DENND1A: variants seen among roughly 807,000 people sequenced by gnomAD.
The protein encoded by DENND1A is DENN domain containing 1A.
A neutral mutation model predicts 113.7 loss-of-function variants in DENND1A; 51 were observed. The ratio of observed to expected loss-of-function variants is 0.45; its 90% CI spans 0.36 to 0.57. The LOEUF is 0.57. DENND1A is among the 20% of genes least tolerant of loss of function. The pLI, the probability that DENND1A is intolerant of heterozygous loss-of-function variation, is 0.00. For synonymous variants in DENND1A, 565 were observed against 570.8 expected, an observed-to-expected ratio of 0.99 and a Z score of 0.14; for missense variants, 1,258 against 1,395.9, an observed-to-expected ratio of 0.90 and a Z score of 1.57.
At chr9:123,407,876 C>G (rs2044000505) in intron 20 of DENND1A, among the ~76,000 whole-genome samples, 2 of 152,330 alleles carry the variant, frequency 1.3e-5, no homozygotes, top group East Asian at 3.9e-4. Context: ...ATAATAAATA[C>G]AGAGCTTATA....
At chr9:123,856,758 C>T (rs987856159) in intron 2 of DENND1A, among the ~76,000 whole-genome samples, 7 of 151,324 alleles carry the variant, frequency 4.6e-5, no homozygotes, top group Non-Finnish European at 8.8e-5. Context: ...AGAGGCAGAG[C>T]GACACAGGGT....
chr9:123,563,330 G>T (rs2057870855), intron 12 of DENND1A, among the ~76,000 whole-genome samples: 1 of 152,108 alleles, frequency 6.6e-6, no homozygotes, highest in Non-Finnish European at 1.5e-5. Context: ...AACCTCTCAG[G>T]TCCCCTGGCT....
intron 2 of DENND1A, among the ~76,000 whole-genome samples, chr9:123,861,812 T>A (rs1318738494): frequency 6.6e-6 from 1 of 152,196 alleles, no homozygotes; most frequent in Non-Finnish European, 1.5e-5. Context: ...CTTTTTCTAC[T>A]CTGAGTTTCC....
chr9:123,609,888 A>G (rs1474565453), intron 10 of DENND1A, among the ~76,000 whole-genome samples: 1 of 152,240 alleles, frequency 6.6e-6, no homozygotes, highest in Non-Finnish European at 1.5e-5. Flanking sequence ...CCATGATTAC[A>G]ACAGAAAAAG....
chr9:123,819,939 A>G (rs968486011), intron 2 of DENND1A, among the ~76,000 whole-genome samples: 1 of 152,252 alleles, frequency 6.6e-6, no homozygotes, highest in Admixed American at 6.5e-5. Context: ...ATTTTAAGAA[A>G]TAAATGCATA....
chr9:123,400,823 C>A (rs143385222), intron 21 of DENND1A: 2 of 152,142 alleles, frequency 1.3e-5, no homozygotes, highest in African/African-American at 2.4e-5. Context: ...TCAGGTGATC[C>A]GCTCGCCTTG....
chr9:123,394,277 G>A (rs1416848087), intron 21 of DENND1A, among the ~76,000 whole-genome samples: 1 of 152,186 alleles, frequency 6.6e-6, no homozygotes, highest in East Asian at 1.9e-4. Flanking sequence ...GGCCAGAGCT[G>A]GACTTTTAAT....
At chr9:123,531,516 C>T (rs1220049543) in intron 13 of DENND1A, among the ~76,000 whole-genome samples, 2 of 149,286 alleles carry the variant, frequency 1.3e-5, no homozygotes, top group Admixed American at 1.3e-4. Flanking sequence ...TAACAGTTTA[C>T]CACATTGGCT....
At chr9:123,703,125 G>A (rs1463958496) in intron 5 of DENND1A, among the ~76,000 whole-genome samples, 1 of 152,072 alleles carries the variant, frequency 6.6e-6, no homozygotes, top group Non-Finnish European at 1.5e-5. Flanking sequence ...GGGACCACAG[G>A]CACACACCAC....
At chr9:123,863,073 A>C (rs896289077) in intron 2 of DENND1A, among the ~76,000 whole-genome samples, 1 of 152,218 alleles carries the variant, frequency 6.6e-6, no homozygotes, top group Non-Finnish European at 1.5e-5. Context: ...GCATGGTAAT[A>C]AGTGCGATGA....
At chr9:123,691,429 A>T (rs2065183331) in intron 5 of DENND1A, among the ~76,000 whole-genome samples, 1 of 152,214 alleles carries the variant, frequency 6.6e-6, no homozygotes. Flanking sequence ...ACAGAAGCAC[A>T]TTCTGTCTGG....
chr9:123,872,465 A>G (rs1846791830), intron 2 of DENND1A, among the ~76,000 whole-genome samples: 1 of 152,180 alleles, frequency 6.6e-6, no homozygotes, highest in Non-Finnish European at 1.5e-5. Context: ...GAGTGAGGAA[A>G]ACACATATAG....
intron 9 of DENND1A, among the ~76,000 whole-genome samples, chr9:123,639,038 G>A (rs1208277541): frequency 1.8e-4 from 2 of 10,856 alleles, no homozygotes; most frequent in African/African-American, 5.2e-4. Flanking sequence ...TGCATGAGTA[G>A]TAAAAAAAAA....
intron 17 of DENND1A, 133 bp downstream of exon 17, chr9:123,452,143 G>T: frequency 1.3e-6 from 1 of 776,338 alleles, no homozygotes; most frequent in South Asian, 1.7e-5. Flanking sequence ...TCAGTGAGCT[G>T]TGATTGCACC....
At chr9:123,560,211 A>C (rs767870896) in intron 12 of DENND1A, among the ~76,000 whole-genome samples, 3 of 152,252 alleles carry the variant, frequency 2.0e-5, no homozygotes, top group Non-Finnish European at 4.4e-5. Flanking sequence ...TCTGAAAAGC[A>C]AAAATCCTCT....
chr9:123,475,167 C>T (rs1297965542), intron 13 of DENND1A, among the ~76,000 whole-genome samples: 2 of 152,066 alleles, frequency 1.3e-5, no homozygotes, highest in Non-Finnish European at 2.9e-5. Flanking sequence ...TACAGGCGCC[C>T]GCCAACACGC....
chr9:123,409,076 T>TG (rs990270753), intron 20 of DENND1A, among the ~76,000 whole-genome samples: 5 of 152,142 alleles, frequency 3.3e-5, no homozygotes, highest in African/African-American at 1.2e-4. Flanking sequence ...ATCCCTGTGG[T>TG]GTTGGCTACA....
chr9:123,684,349 CAA>C (rs2064669842), intron 5 of DENND1A, among the ~76,000 whole-genome samples: 1 of 152,142 alleles, frequency 6.6e-6, no homozygotes, highest in African/African-American at 2.4e-5. Context: ...CCAAACGCAC[CAA>C]AGAGAAAAGC....
At chr9:123,918,802 A>G (rs1252900772) in intron 1 of DENND1A, among the ~76,000 whole-genome samples, 11 of 152,144 alleles carry the variant, frequency 7.2e-5, no homozygotes, top group Admixed American at 7.2e-4. Flanking sequence ...TCACCATTTT[A>G]TAACCTCTAA....
Sources: gnomAD v4.1 joint callset for allele counts (sites outside exome capture counted in the v4.1 genomes callset) on GRCh38, gnomAD v4.1.1 for gene constraint, MANE v1.5 for transcripts, NCBI Gene and HGNC (gene_info 2026-07-23, HGNC 2026-07-21) for gene names.